LYSMD2: variants seen among roughly 807,000 people sequenced by gnomAD.
LYSMD2 encodes the protein lysM and putative peptidoglycan-binding domain-containing protein 2.
LYSMD2 carries 6 observed loss-of-function variants against 17.7 expected under a neutral mutation model. The ratio of observed to expected loss-of-function variants is 0.34; its 90% confidence interval spans 0.19 to 0.67. LYSMD2 has a LOEUF of 0.67. Ranked by LOEUF, LYSMD2 falls within the 30% of genes least tolerant of loss-of-function variation. The pLI is 0.69. For missense variants in LYSMD2, 237 were observed against 286.7 expected (o/e 0.83, Z 1.25); for synonymous variants, 102 against 129.8 (o/e 0.79, Z 1.45).
chr15:51,729,150 T>C (rs1271757483), intron 1 of LYSMD2, among the ~76,000 whole-genome samples: 1 of 151,960 alleles, frequency 6.6e-6, no homozygotes, highest in Admixed American at 6.6e-5. Context: ...GAAAAAGGAG[T>C]AGCAAATGCC....
intron 1 of LYSMD2, among the ~76,000 whole-genome samples, chr15:51,726,559 G>A (rs1429879184): frequency 1.3e-5 from 2 of 152,188 alleles, no homozygotes; most frequent in Non-Finnish European, 2.9e-5. Flanking sequence ...AGAGACTCCT[G>A]CAGGACGGTA....
In LYSMD2 at chr15:51,724,779, G is replaced by A. The variant is rs775548983; in HGVS notation, c.605+11C>T. ...ATTTAGACTTTGACATTTGTACCAGGGTATTCTTACCTGCTCTCTTCTTTT... is the reference window on the plus strand; with the variant it reads ...ATTTAGACTTTGACATTTGTACCAGAGTATTCTTACCTGCTCTCTTCTTTT... On this transcript the variant is annotated intron_variant, in intron 2 of 2. Coordinates refer to ENST00000267838, the MANE Select transcript of LYSMD2 (RefSeq NM_153374.3). The A allele has an allele frequency of 6.3e-7, 1 of 1,594,942 alleles. No individual in the cohort carries two copies. The highest frequency in any genetic ancestry group is 8.6e-7 in the Non-Finnish European group (1 of 1,166,374).
chr15:51,746,919 C>T (rs1048834748), intron 1 of LYSMD2, among the ~76,000 whole-genome samples: 1 of 151,362 alleles, frequency 6.6e-6, no homozygotes, highest in Non-Finnish European at 1.5e-5. Flanking sequence ...GTGGCTCATG[C>T]CCGTAATCCC....
At chr15:51,737,760 G>A (rs2055621823), upstream of LYSMD2, 4 of 636,928 alleles carry the variant, frequency 6.3e-6, no homozygotes, top group Middle Eastern at 5.2e-4. This position sits in a 1 kb window ranked among gnomAD's most constrained non-coding sequence, Gnocchi z 4.2. Context: ...GGGAAGCCGA[G>A]GCGGGGAGCC....
intron 1 of LYSMD2, chr15:51,751,242 G>A (rs1392621479): frequency 1.3e-5 from 9 of 701,654 alleles, no homozygotes; most frequent in East Asian, 2.7e-5. Flanking sequence ...CGCCCAGCCA[G>A]GAAAACCTGG....
intron 1 of LYSMD2, among the ~76,000 whole-genome samples, chr15:51,730,018 T>C (rs1255535622): frequency 6.6e-6 from 1 of 152,192 alleles, no homozygotes; most frequent in African/African-American, 2.4e-5. Flanking sequence ...GGTACACTGA[T>C]CAAATGCTTT....
chr15:51,730,672 G>A (rs989423350), intron 1 of LYSMD2, among the ~76,000 whole-genome samples: 9 of 152,172 alleles, frequency 5.9e-5, no homozygotes, highest in African/African-American at 2.2e-4. Flanking sequence ...CTACCTAATA[G>A]TGAATGCAAT....
rs2055514546 is a variant in LYSMD2, at chr15:51,723,282, A to G, written c.*325T>C. The G allele has an allele frequency of 4.1e-6, 1 of 242,370 alleles. No individual in the cohort carries two copies. Among genetic ancestry groups the G allele is most frequent in the Admixed American group, 5.1e-5 (1 of 19,660 alleles). The allele number at this position is 242,370 out of a possible 1,614,324, so 15.0% of individuals were successfully genotyped here. On this transcript the variant is annotated 3_prime_UTR_variant, in exon 3 of 3. Transcript: ENST00000267838. ...AGGATTGCATAAGGAGATAAACATTATTTTTAGCCTAAATATATAAATAAT... is the reference window on the plus strand; with the variant it reads ...AGGATTGCATAAGGAGATAAACATTGTTTTTAGCCTAAATATATAAATAAT...
At chr15:51,743,990 T>A (rs1209284013) in intron 1 of LYSMD2, among the ~76,000 whole-genome samples, 1 of 152,206 alleles carries the variant, frequency 6.6e-6, no homozygotes, top group East Asian at 1.9e-4. Flanking sequence ...AATCATTTCT[T>A]TGTTCCAGAG....
chr15:51,725,756 A>G (rs927813910), intron 1 of LYSMD2, among the ~76,000 whole-genome samples: 11 of 152,146 alleles, frequency 7.2e-5, no homozygotes, highest in African/African-American at 2.7e-4. Flanking sequence ...ATATATATCT[A>G]TATGGAAAGA....
chr15:51,751,310 C>G (rs894096513), exon 1 of LYSMD2: 13 of 702,540 alleles, frequency 1.9e-5, no homozygotes, highest in Non-Finnish European at 3.4e-5. Context: ...TCAGGATGCT[C>G]GCTCACAGGA....
chr15:51,727,301 A>G (rs1197616898), intron 1 of LYSMD2, among the ~76,000 whole-genome samples: 3 of 152,280 alleles, frequency 2.0e-5, no homozygotes, highest in South Asian at 4.1e-4. Flanking sequence ...TTGGTTTTCA[A>G]ACAGCAGCAG....
chr15:51,723,890 A>G (rs2055519102), intron 2 of LYSMD2, among the ~76,000 whole-genome samples: 1 of 147,134 alleles, frequency 6.8e-6, no homozygotes, highest in African/African-American at 2.5e-5. Context: ...ATATTTGCTT[A>G]TATTTACATA....
chr15:51,726,164 T>C (rs1423394844), intron 1 of LYSMD2, among the ~76,000 whole-genome samples: 1 of 152,162 alleles, frequency 6.6e-6, no homozygotes, highest in Non-Finnish European at 1.5e-5. Context: ...AGGAATGAGA[T>C]TTTTAAAAAG....
At chr15:51,746,995 C>T (rs148469309) in intron 1 of LYSMD2, among the ~76,000 whole-genome samples, 1,988 of 118,786 alleles carry the variant, frequency 0.017, 45 homozygotes, top group African/African-American at 0.061. Context: ...GCCTAGCCAA[C>T]ATGGTGAAAC....
chr15:51,734,276 T>G (rs1796444129), intron 1 of LYSMD2, among the ~76,000 whole-genome samples: 1 of 152,178 alleles, frequency 6.6e-6, no homozygotes, highest in Non-Finnish European at 1.5e-5. Flanking sequence ...CTAGGATCCT[T>G]TATTTTTAGT....
At chr15:51,738,322 C>A (rs574945921), upstream of LYSMD2, among the ~76,000 whole-genome samples, 1 of 152,228 alleles carries the variant, frequency 6.6e-6, no homozygotes, top group East Asian at 1.9e-4. Context: ...CCTAGTTGTT[C>A]GGGTTTCACA....
At chr15:51,724,634 T>C (rs1320405921) in intron 2 of LYSMD2, among the ~76,000 whole-genome samples, 156 bp downstream of exon 2, 1 of 142,570 alleles carries the variant, frequency 7.0e-6, no homozygotes, top group African/African-American at 2.6e-5. Context: ...AAGGAAGAAA[T>C]TAAGAAAGAA....
chr15:51,730,435 G>A (rs552266261), intron 1 of LYSMD2, among the ~76,000 whole-genome samples: 1 of 152,360 alleles, frequency 6.6e-6, no homozygotes, highest in South Asian at 2.1e-4. Flanking sequence ...AGAATCGCTT[G>A]AGCCTGAGAG....
Sources: allele counts gnomAD v4.1 joint callset (sites outside exome capture counted in the v4.1 genomes callset), GRCh38; gene constraint gnomAD v4.1.1; non-coding constraint Gnocchi (gnomAD v3.1); transcripts MANE v1.5; gene names NCBI Gene and HGNC (gene_info 2026-07-23, HGNC 2026-07-21).